The following ATP10B variants were observed in gnomAD, a reference collection of about 807,000 sequenced individuals.
ATP10B encodes phospholipid-transporting ATPase VB.
In ATP10B, 122 loss-of-function variants were observed where a neutral mutation model predicts 141.2. That is an observed-to-expected ratio of 0.86 (90% CI 0.75 to 1.00). ATP10B has a LOEUF of 1.00. Ranked by LOEUF, ATP10B falls within the 50% of genes least tolerant of loss-of-function variation. The pLI, the probability that ATP10B is intolerant of heterozygous loss-of-function variation, is 0.00. For missense variants in ATP10B, 1,876 were observed against 1,825.3 expected, an observed-to-expected ratio of 1.03 and a Z score of -0.51; for synonymous variants, 685 against 692.0, an observed-to-expected ratio of 0.99 and a Z score of 0.16.
At chr5:160,777,983 A>T (rs77449898) in intron 2 of ATP10B, among the ~76,000 whole-genome samples, 1 of 150,524 alleles carries the variant, frequency 6.6e-6, no homozygotes, top group Non-Finnish European at 1.5e-5. Context: ...TATAAAAAAA[A>T]TAAGGGGCAT....
intron 2 of ATP10B, among the ~76,000 whole-genome samples, chr5:160,772,017 A>T (rs1363731532): frequency 6.6e-6 from 1 of 152,274 alleles, no homozygotes; most frequent in Non-Finnish European, 1.5e-5. Context: ...AGAGATTTGA[A>T]GTGTGACAGG....
At chr5:160,576,508 C>T (rs531335442) in intron 24 of ATP10B, among the ~76,000 whole-genome samples, 12 of 152,240 alleles carry the variant, frequency 7.9e-5, no homozygotes, top group Non-Finnish European at 1.8e-4. Flanking sequence ...GAGCTGGAAG[C>T]AGCATAGTGC....
intron 1 of ATP10B, among the ~76,000 whole-genome samples, chr5:160,837,116 A>C (rs1775492882): frequency 6.6e-6 from 1 of 152,060 alleles, no homozygotes; most frequent in South Asian, 2.1e-4. Flanking sequence ...ATGTTTTCTC[A>C]TCATTGCTGA....
chr5:160,722,313 A>G (rs1766050437), intron 2 of ATP10B, among the ~76,000 whole-genome samples: 1 of 152,240 alleles, frequency 6.6e-6, no homozygotes, highest in African/African-American at 2.4e-5. Flanking sequence ...AATAATGAAT[A>G]TAACTCATTT....
At position 160,620,458 on chromosome 5, in the gene ATP10B, C is replaced by A. The variant is rs770104110; in HGVS notation, c.2305G>T (p.Val769Phe). Residue 769 changes from valine (V) to phenylalanine (F), a missense_variant, in exon 15 of 26, where the codon GTC becomes TTC. Val to Phe is a conservative substitution (Grantham distance 50, BLOSUM62 -1). Coordinates refer to ENST00000327245, the MANE Select transcript of ATP10B (RefSeq NM_025153.3). ...SLLCTLGFDS[V>F]RKRMSVVVRH... ...ACAACCACAGACATTCTCTTCCTGA[C>A]AGAGTCAAAGCCCAGGGTGCAGAGG... 2.4e-5 allele frequency: 39 copies of A among 1,614,096 alleles called. No homozygotes were observed. Among genetic ancestry groups the A allele is most frequent in the South Asian group, 5.5e-5 (5 of 91,086 alleles).
chr5:160,722,299 A>T (rs978545864), intron 2 of ATP10B, among the ~76,000 whole-genome samples: 1 of 152,240 alleles, frequency 6.6e-6, no homozygotes, highest in African/African-American at 2.4e-5. Flanking sequence ...CAAATTAAAG[A>T]CGAAATAATG....
At chr5:160,626,205 T>A (rs1758602474) in intron 13 of ATP10B, among the ~76,000 whole-genome samples, 1 of 152,222 alleles carries the variant, frequency 6.6e-6, no homozygotes, top group Non-Finnish European at 1.5e-5. Flanking sequence ...GGGCCACCAG[T>A]TTTTTATGTA....
chr5:160,864,119 G>T, the ATP10B span, among the ~76,000 whole-genome samples: 15 of 151,900 alleles, frequency 9.9e-5, no homozygotes, highest in South Asian at 2.7e-3. Context: ...GCCAAAACAA[G>T]AAAGGACATA....
intron 2 of ATP10B, among the ~76,000 whole-genome samples, chr5:160,764,335 C>T (rs893426245): frequency 6.6e-6 from 1 of 152,134 alleles, no homozygotes; most frequent in Non-Finnish European, 1.5e-5. Context: ...TAACTGAATT[C>T]AACAGCGTAT....
At chr5:160,571,811 G>T (rs903637297) in intron 24 of ATP10B, among the ~76,000 whole-genome samples, 2 of 152,174 alleles carry the variant, frequency 1.3e-5, no homozygotes, top group African/African-American at 2.4e-5. Context: ...TGTACCTGAG[G>T]CCAGTCTGTG....
intron 2 of ATP10B, among the ~76,000 whole-genome samples, chr5:160,754,376 G>A (rs1768367256): frequency 6.6e-6 from 1 of 152,070 alleles, no homozygotes; most frequent in African/African-American, 2.4e-5. Context: ...CACTGATCAT[G>A]GGTCAGGAAA....
At chr5:160,921,016 T>C in the ATP10B span, among the ~76,000 whole-genome samples, 2 of 152,038 alleles carry the variant, frequency 1.3e-5, no homozygotes, top group South Asian at 4.1e-4. Flanking sequence ...GCAACACAAA[T>C]CAAATAGTAA....
chr5:160,673,879 T>C (rs1428701748), intron 6 of ATP10B, among the ~76,000 whole-genome samples: 1 of 152,238 alleles, frequency 6.6e-6, no homozygotes, highest in African/African-American at 2.4e-5. Context: ...GAGAAAAGAA[T>C]CTCATAGAGT....
At chr5:160,673,760 C>T (rs1340506224) in intron 6 of ATP10B, among the ~76,000 whole-genome samples, 2 of 152,192 alleles carry the variant, frequency 1.3e-5, no homozygotes, top group East Asian at 3.9e-4. Context: ...GGTCTCTCTG[C>T]TGACTCAGGG....
the ATP10B span, among the ~76,000 whole-genome samples, chr5:160,867,864 C>T: frequency 2.6e-5 from 4 of 152,190 alleles, no homozygotes; most frequent in Admixed American, 2.0e-4. Flanking sequence ...CAATTGTCTT[C>T]GTACATTATT....
intron 1 of ATP10B, among the ~76,000 whole-genome samples, chr5:160,848,950 G>A (rs1753621817): frequency 6.6e-6 from 1 of 152,192 alleles, no homozygotes; most frequent in African/African-American, 2.4e-5. Flanking sequence ...TGTTCTCCAG[G>A]TCATGGTTCT....
chr5:160,690,874 A>T (rs928822746), intron 3 of ATP10B, among the ~76,000 whole-genome samples: 2 of 152,250 alleles, frequency 1.3e-5, no homozygotes. Context: ...CCAAAGGATT[A>T]TAAATCATTC....
In ATP10B at chr5:160,830,870, T is replaced by C. The variant is rs1332269793; in HGVS notation, c.-576+21071A>G. Among the ~76,000 whole-genome samples, 7 of 152,098 alleles carry C rather than the reference T, an allele frequency of 4.6e-5. No homozygotes were observed. In the East Asian group the frequency reaches 1.4e-3, roughly 29 times the overall value. ...GACTCTTATTTTAGTTAATCTGACA[T>C]CTCCAAACAATACCTTTGGTTAATT... is the stretch of plus-strand genomic sequence containing the variant. On this transcript the variant is annotated intron_variant, in intron 1 of 25. Coordinates refer to ENST00000327245, the MANE Select transcript of ATP10B (RefSeq NM_025153.3).
Position 160,786,278 on chromosome 5 carries a change from G to T in ATP10B, c.-575-475C>A, listed in dbSNP as rs111639586. Among the ~76,000 whole-genome samples, 438 of 152,264 alleles carry T rather than the reference G, an allele frequency of 2.9e-3. 1 individual carries two copies. Among genetic ancestry groups the T allele is most frequent in the African/African-American group, 0.01 (427 of 41,570 alleles). ...GAAGCCAACATGGGAAATCAAGACT[G>T]CAGTTTTGAGTGAGAGGTACCTAGC... On this transcript the variant is annotated intron_variant, in intron 1 of 25. Coordinates refer to ENST00000327245, the MANE Select transcript of ATP10B (RefSeq NM_025153.3).
Sources: allele counts gnomAD v4.1 joint callset (sites outside exome capture counted in the v4.1 genomes callset), GRCh38; gene constraint gnomAD v4.1.1; transcripts MANE v1.5; gene names NCBI Gene and HGNC (gene_info 2026-07-23, HGNC 2026-07-21).